The following BORA variants were observed in gnomAD, a reference collection of about 807,000 sequenced individuals.
The protein encoded by BORA is protein aurora borealis.
A neutral mutation model predicts 55.8 loss-of-function variants in BORA; 26 were observed. The ratio of observed to expected loss-of-function variants is 0.47; its 90% confidence interval spans 0.34 to 0.65. BORA has a LOEUF of 0.65. Among genes scored for constraint, BORA ranks in the 30% least tolerant of loss-of-function variants. BORA has a pLI of 0.01. For missense variants in BORA, 568 were observed against 671.5 expected, an observed-to-expected ratio of 0.85 and a Z score of 1.70; for synonymous variants, 201 against 216.9, an observed-to-expected ratio of 0.93 and a Z score of 0.64.
intron 10 of BORA, among the ~76,000 whole-genome samples, chr13:72,751,243 T>C (rs1176090844): frequency 6.6e-6 from 1 of 152,148 alleles, no homozygotes; most frequent in Non-Finnish European, 1.5e-5. Flanking sequence ...GCAATCCCAC[T>C]AGTAGGTATA....
chr13:72,728,132 G>C (rs760967006), intron 1 of BORA, 125 bp downstream of exon 1: 1 of 1,312,052 alleles, frequency 7.6e-7, no homozygotes. Context: ...AGTAGGTGTG[G>C]AAGAGAGGGG....
intron 10 of BORA, chr13:72,753,478 T>C (rs1271822424): frequency 2.5e-6 from 1 of 407,896 alleles, no homozygotes; most frequent in Non-Finnish European, 4.3e-6. Context: ...ATATATTTCA[T>C]TGGAAGGAAT....
At chr13:72,730,784 G>T (rs749661116) in intron 2 of BORA, among the ~76,000 whole-genome samples, 20 of 151,790 alleles carry the variant, frequency 1.3e-4, no homozygotes, top group Admixed American at 5.3e-4. Context: ...CAGGCTGGGC[G>T]CTGTGGCTCA....
intron 5 of BORA, 143 bp from the exon 6 acceptor site, chr13:72,743,394 C>G: frequency 2.1e-6 from 1 of 470,024 alleles, no homozygotes; most frequent in Non-Finnish European, 3.7e-6. Flanking sequence ...AGAAACATAC[C>G]AAAATATATA....
At chr13:72,744,759 CA>C (rs1344314849) in intron 7 of BORA, among the ~76,000 whole-genome samples, 198 bp downstream of exon 7, 4 of 152,110 alleles carry the variant, frequency 2.6e-5, no homozygotes, top group Non-Finnish European at 5.9e-5. Context: ...TTACTATAGA[CA>C]GAAACTATAA....
chr13:72,734,892 T>C, intron 3 of BORA, 68 bp from the exon 4 acceptor site: 2 of 1,186,880 alleles, frequency 1.7e-6, no homozygotes, highest in Non-Finnish European at 2.4e-6. Context: ...ATTTGAAAGG[T>C]TATTTTTTAA....
At position 72,746,016 on chromosome 13, in the gene BORA, C is replaced by A. The variant is rs1214858754; in HGVS notation, c.811C>A (p.Pro271Thr). ...YSLGSITSPSPISSPTFSPIE... is the reference protein window; with the variant it reads ...YSLGSITSPSTISSPTFSPIE... ...CTTGGGAAGCATAACTAGTCCTTCG[C>A]CTATTTCTTCACCCACTTTCTCACC... The change falls in exon 9 of 12, where the codon CCT becomes ACT. Residue 271 changes from proline to threonine, a missense_variant. Coordinates refer to ENST00000390667, the MANE Select transcript of BORA (RefSeq NM_024808.5). 1 of 1,612,582 alleles carries A rather than the reference C, an allele frequency of 6.2e-7. No individual in the cohort carries two copies. Among genetic ancestry groups the A allele is most frequent in the Non-Finnish European group, 8.5e-7 (1 of 1,178,732 alleles).
In BORA at chr13:72,746,946, A is replaced by C. The variant is rs2033163708; in HGVS notation, c.1317A>C (p.Ile439=). The C allele has an allele frequency of 6.2e-7, 1 of 1,614,156 alleles. No individual in the cohort carries two copies. The part of the protein sequence containing the change: ...DNNTVDMVDP[I]EIADETTWIK... The stretch of plus-strand genomic sequence containing the variant: ...ACACTGTGGATATGGTTGATCCTAT[A>C]GAGATAGCAGATGAGACCACTTGGA... Residue 439 remains isoleucine (I), a synonymous_variant, in exon 10 of 12, where the codon ATA becomes ATC. Coordinates refer to ENST00000390667, the MANE Select transcript of BORA (RefSeq NM_024808.5).
At chr13:72,734,936 T>A (rs1336457256) in intron 3 of BORA, 24 bp from the exon 4 acceptor site, 1 of 1,505,002 alleles carries the variant, frequency 6.6e-7, no homozygotes, top group East Asian at 2.3e-5. Context: ...AGCATGGTTA[T>A]TTTTCTTCTT....
chr13:72,755,226 G>A lies in BORA; in HGVS notation c.*10G>A. The A allele has an allele frequency of 2.5e-6, 4 of 1,602,824 alleles. No homozygotes were observed. Among genetic ancestry groups the A allele is most frequent in the East Asian group, 2.2e-5 (1 of 44,794 alleles). On this transcript the variant is annotated 3_prime_UTR_variant, in exon 12 of 12. Coordinates refer to ENST00000390667, the MANE Select transcript of BORA (RefSeq NM_024808.5). Reference sequence around the variant, plus strand: ...ATGCAGCAGTCCATAGAATGCCTCTGTCAGAATCAAAGACTAAGCTTAAGA... The same window carrying A: ...ATGCAGCAGTCCATAGAATGCCTCTATCAGAATCAAAGACTAAGCTTAAGA...
Position 72,728,800 on chromosome 13 carries a change from T to TGATAC in BORA, c.-15-126_-15-125insGATAC. 6.6e-6 allele frequency: 5 copies of TGATAC among 757,706 alleles called. No individual in the cohort carries two copies. The South Asian group carries it at 1.3e-4, about 19-fold the overall frequency. The allele number at this position is 757,706 out of a possible 1,614,324, so 46.9% of individuals were successfully genotyped here. A position where few individuals can be genotyped will look rare whatever the true frequency, so the allele number is the denominator to read the frequency against. On this transcript the variant is annotated intron_variant, in intron 1 of 11. Transcript: ENST00000390667. ...GATACTTTTTTTGTAAGCTGTATCA[T>TGATAC]AGCCCCAAGAGTGTGAGGTTTTGAG... is the stretch of plus-strand genomic sequence containing the variant.
chr13:72,740,331 A>G (rs1413581880), intron 5 of BORA, among the ~76,000 whole-genome samples: 1 of 152,132 alleles, frequency 6.6e-6, no homozygotes, highest in Non-Finnish European at 1.5e-5. Context: ...CAGAAGCCTC[A>G]TGTCTTTAGC....
intron 5 of BORA, among the ~76,000 whole-genome samples, chr13:72,741,146 G>C (rs559059099): frequency 7.2e-5 from 11 of 152,288 alleles, no homozygotes; most frequent in African/African-American, 1.9e-4. Context: ...ATTTCCCTGG[G>C]ATATATACGC....
At chr13:72,742,162 C>T (rs897677450) in intron 5 of BORA, among the ~76,000 whole-genome samples, 1 of 151,490 alleles carries the variant, frequency 6.6e-6, no homozygotes, top group African/African-American at 2.4e-5. Flanking sequence ...ATTCAGCAAC[C>T]CACTTACCCA....
chr13:72,744,600 C>A (rs1351494997), intron 7 of BORA, 39 bp downstream of exon 7: 1 of 1,484,724 alleles, frequency 6.7e-7, no homozygotes, highest in East Asian at 2.3e-5. Context: ...ATAACTTGAA[C>A]CAAAGGTTTT....
At chr13:72,736,562 C>T (rs994277077) in intron 4 of BORA, among the ~76,000 whole-genome samples, 15 of 152,090 alleles carry the variant, frequency 9.9e-5, no homozygotes, top group Non-Finnish European at 1.8e-4. Flanking sequence ...CAGATTTTTA[C>T]ATTCTCTTAG....
At position 72,727,961 on chromosome 13, in the gene BORA, C is replaced by G; in HGVS notation, c.-62C>G. 2 of 1,550,616 alleles carry G rather than the reference C, an allele frequency of 1.3e-6. No individual in the cohort carries two copies. Among genetic ancestry groups the G allele is most frequent in the Non-Finnish European group, 1.7e-6 (2 of 1,146,992 alleles). Reference sequence around the variant, plus strand: ...CTGTCGTGGAAGCTGGCCTGGCCCCCGGAGCTCCCTGGAGTCGGTACTGGG... The same window carrying G: ...CTGTCGTGGAAGCTGGCCTGGCCCCGGGAGCTCCCTGGAGTCGGTACTGGG... On this transcript the variant is annotated 5_prime_UTR_variant, in exon 1 of 12. Coordinates refer to ENST00000390667, the MANE Select transcript of BORA (RefSeq NM_024808.5).
intron 1 of BORA, 115 bp downstream of exon 1, chr13:72,728,122 A>G (rs1203836749): frequency 2.1e-6 from 3 of 1,419,426 alleles, no homozygotes; most frequent in East Asian, 5.0e-5. Context: ...GCAGTCAGGG[A>G]GTAGGTGTGG....
chr13:72,745,212 G>A lies in BORA; in HGVS notation c.738+5G>A. On this transcript the variant is annotated splice_donor_5th_base_variant and intron_variant, in intron 8 of 11. Transcript: ENST00000390667. ...CCCTTGCAGACACCAAGTTCGGTGA[G>A]AAGTATACTAAAAAGCAGTTGGCTA... 2 of 1,608,810 alleles carry A rather than the reference G, an allele frequency of 1.2e-6. No individual in the cohort carries two copies. The highest frequency in any genetic ancestry group is 1.7e-6 in the Non-Finnish European group (2 of 1,175,614).
Sources: gnomAD v4.1 joint callset for allele counts (sites outside exome capture counted in the v4.1 genomes callset) on GRCh38, gnomAD v4.1.1 for gene constraint, MANE v1.5 for transcripts, NCBI Gene and HGNC (gene_info 2026-07-23, HGNC 2026-07-21) for gene names.